The following PPFIA3 variants were observed in gnomAD, a reference collection of about 807,000 sequenced individuals.
PPFIA3 encodes liprin-alpha-3.
PPFIA3 carries 26 observed loss-of-function variants against 145.8 expected under a neutral mutation model. The observed-to-expected ratio is 0.18, with a 90% confidence interval of 0.13 to 0.25. The LOEUF is 0.25. PPFIA3 is among the 10% of genes least tolerant of loss of function. PPFIA3 has a pLI of 1.00. For synonymous variants in PPFIA3, 645 were observed against 661.4 expected (o/e 0.98, Z 0.38); for missense variants, 1,008 against 1,587.8 (o/e 0.63, Z 6.21).
chr19:49,145,784 T>G, intron 21 of PPFIA3, 159 bp from the exon 22 acceptor site: 6 of 674,106 alleles, frequency 8.9e-6, no homozygotes. Flanking sequence ...ACATGGCAGG[T>G]GCCCTATAAT....
Position 49,130,684 on chromosome 19 carries a change from A to T in PPFIA3, c.879+85A>T. ...TCGCGCATTGCTCATGAATGGCGGA[A>T]CCTCGATTCAGTCCACAGGCTGGGT... On this transcript the variant is annotated intron_variant, in intron 7 of 29. Transcript: ENST00000334186. This position sits in a 1 kb window ranked among gnomAD's most constrained non-coding sequence, Gnocchi z 4.5. 2 of 1,178,688 alleles carry T rather than the reference A, an allele frequency of 1.7e-6. No homozygotes were observed. The highest frequency in any genetic ancestry group is 2.4e-6 in the Non-Finnish European group (2 of 846,062). The allele number at this position is 1,178,688 out of a possible 1,614,324, so 73.0% of individuals were successfully genotyped here. A position where few individuals can be genotyped will look rare whatever the true frequency, so the allele number is the denominator to read the frequency against.
At chr19:49,135,663 C>T in intron 13 of PPFIA3, 116 bp from the exon 14 acceptor site, 2 of 1,158,190 alleles carry the variant, frequency 1.7e-6, no homozygotes, top group Non-Finnish European at 2.4e-6. Context: ...AGCCACCAGG[C>T]CTGGCCCCTT....
At position 49,150,289 on chromosome 19, in the gene PPFIA3, G is replaced by A; in HGVS notation, c.*67G>A. The A allele has an allele frequency of 5.9e-6, 5 of 841,394 alleles. No homozygotes were observed. In the South Asian group the frequency reaches 8.8e-5, roughly 15 times the overall value. 52.1% of individuals were successfully genotyped at this position (841,394 alleles called of 1,614,324 possible). A position where few individuals can be genotyped will look rare whatever the true frequency, so the allele number is the denominator to read the frequency against. On this transcript the variant is annotated 3_prime_UTR_variant, in exon 30 of 30. Transcript: ENST00000334186. ...CCGAGGCTGGGCTGTTCCCTCTCCT[G>A]CCCGGACTGTGGCCTCGCCGGGGAG...
intron 22 of PPFIA3, 61 bp from the exon 23 acceptor site, chr19:49,146,105 G>A: frequency 6.2e-7 from 1 of 1,610,400 alleles, no homozygotes; most frequent in Non-Finnish European, 8.5e-7. Flanking sequence ...CGCTCCTTGC[G>A]TCCTCCTCTG....
Position 49,128,544 on chromosome 19 carries a change from T to A in PPFIA3, c.342+76T>A. On this transcript the variant is annotated intron_variant, in intron 3 of 29. Transcript: ENST00000334186. This position sits in a 1 kb window ranked among gnomAD's most constrained non-coding sequence, Gnocchi z 4.1. Reference sequence around the variant, plus strand: ...TGAAGTGGGGGGCGGGGCCTCTCAGTGTTGCAGCGTGACCTATTTTTTTCC... The same window carrying A: ...TGAAGTGGGGGGCGGGGCCTCTCAGAGTTGCAGCGTGACCTATTTTTTTCC... 1 of 1,334,786 alleles carries A rather than the reference T, an allele frequency of 7.5e-7. No individual in the cohort carries two copies. The highest frequency in any genetic ancestry group is 2.4e-5 in the East Asian group (1 of 41,894). 82.7% of individuals were successfully genotyped at this position (1,334,786 alleles called of 1,614,324 possible).
At chr19:49,121,943 A>G (rs2040941211) in intron 1 of PPFIA3, among the ~76,000 whole-genome samples, 1 of 151,264 alleles carries the variant, frequency 6.6e-6, no homozygotes, top group Admixed American at 6.6e-5. Context: ...GCCGGGCCAC[A>G]TTTCTTGTCG....
chr19:49,134,861 G>A lies in PPFIA3; in HGVS notation c.1466G>A (p.Arg489Gln), dbSNP rs1400390554. Residue 489 changes from arginine (R) to glutamine (Q), a missense_variant, in exon 13 of 30, where the codon CGG becomes CAG. Arg to Gln is a conservative substitution (Grantham distance 43). Transcript: ENST00000334186. ...GAGCAGCTCTTGGCCGAAATGGAGC[G>A]GATGCAGATGGAGATCGACCAGCTG... ...NKEQLLAEME[R>Q]MQMEIDQLRG... 1.1e-5 allele frequency: 17 copies of A among 1,595,142 alleles called. No individual in the cohort carries two copies. Among genetic ancestry groups the A allele is most frequent in the Non-Finnish European group, 1.5e-5 (17 of 1,168,904 alleles).
chr19:49,145,892 C>A, intron 21 of PPFIA3, 51 bp from the exon 22 acceptor site: 1 of 1,544,318 alleles, frequency 6.5e-7, no homozygotes, highest in South Asian at 1.1e-5. Flanking sequence ...TCCTTCCTCT[C>A]CCCCACGCGA....
chr19:49,146,316 CGCCAA>C (rs2041280178), intron 23 of PPFIA3, 124 bp downstream of exon 23: 1 of 1,272,930 alleles, frequency 7.9e-7, no homozygotes, highest in Non-Finnish European at 1.1e-6. Flanking sequence ...GGGGGCGCTG[CGCCAA>C]GCTTGGCTCT....
At chr19:49,135,752 C>T in intron 13 of PPFIA3, 27 bp from the exon 14 acceptor site, 1 of 1,590,362 alleles carries the variant, frequency 6.3e-7, no homozygotes, top group Non-Finnish European at 8.6e-7. Flanking sequence ...ACCCCTTGGT[C>T]TCTGACTGCT....
At chr19:49,131,871 G>T (rs879928284) in intron 7 of PPFIA3, among the ~76,000 whole-genome samples, 1 of 151,938 alleles carries the variant, frequency 6.6e-6, no homozygotes, top group Admixed American at 6.6e-5. Context: ...TTAGCCGGGC[G>T]TGATGTCGGG....
Position 49,146,394 on chromosome 19 carries a change from C to T in PPFIA3, c.2835+202C>T. 4.6e-6 allele frequency: 3 copies of T among 648,348 alleles called. No homozygotes were observed. In the South Asian group the frequency reaches 5.8e-5, roughly 13 times the overall value. The allele number at this position is 648,348 out of a possible 1,614,324, so 40.2% of individuals were successfully genotyped here. A position where few individuals can be genotyped will look rare whatever the true frequency, so the allele number is the denominator to read the frequency against. On this transcript the variant is annotated intron_variant, in intron 23 of 29. Transcript: ENST00000334186. ...AGGGGATGCGATGTGGAAGCCCAGA[C>T]TGTTGCATAGTCAGCCTTATGCATG...
chr19:49,130,742 T>C lies in PPFIA3; in HGVS notation c.879+143T>C, dbSNP rs1290908324. 4.8e-5 allele frequency: 35 copies of C among 722,290 alleles called. 1 individual carries two copies. The Admixed American group carries it at 9.3e-4, about 19-fold the overall frequency. 44.7% of individuals were successfully genotyped at this position (722,290 alleles called of 1,614,324 possible). A position where few individuals can be genotyped will look rare whatever the true frequency, so the allele number is the denominator to read the frequency against. ...CTTTGAGATTCAGTTTTCCCACCTG[T>C]GAAAGGAAATGTATGATTCTCATCA... On this transcript the variant is annotated intron_variant, in intron 7 of 29. Coordinates refer to ENST00000334186, the MANE Select transcript of PPFIA3 (RefSeq NM_003660.4). The surrounding 1 kb of genome is among the most constrained non-coding windows in gnomAD (Gnocchi z 4.5).
At chr19:49,148,836 G>C (rs939906037) in intron 25 of PPFIA3, 73 bp downstream of exon 25, 5 of 1,540,692 alleles carry the variant, frequency 3.2e-6, no homozygotes, top group Non-Finnish European at 4.5e-6. Flanking sequence ...AGAGGGGGTA[G>C]GGGGAGACCG....
chr19:49,129,273 C>T, intron 4 of PPFIA3, 107 bp from the exon 5 acceptor site: 1 of 1,203,626 alleles, frequency 8.3e-7, no homozygotes, highest in Non-Finnish European at 1.1e-6. Flanking sequence ...AGACAGGAGC[C>T]CCAACGCTGC....
intron 1 of PPFIA3, among the ~76,000 whole-genome samples, chr19:49,122,333 C>T (rs1475759991): frequency 6.6e-6 from 1 of 152,028 alleles, no homozygotes; most frequent in African/African-American, 2.4e-5. Context: ...TCACCTGCCT[C>T]GGCCTCCCAA....
intron 1 of PPFIA3, among the ~76,000 whole-genome samples, chr19:49,124,281 AC>A (rs1452320830): frequency 6.6e-6 from 1 of 150,752 alleles, no homozygotes; most frequent in Non-Finnish European, 1.5e-5. Context: ...CTGGTCTCAA[AC>A]CCCTGGGCTC....
intron 1 of PPFIA3, among the ~76,000 whole-genome samples, chr19:49,127,529 G>A (rs2041016718): frequency 6.6e-6 from 1 of 151,818 alleles, no homozygotes; most frequent in Non-Finnish European, 1.5e-5. Context: ...AGTCTGGGTC[G>A]TTCAGGCTGC....
Position 49,133,474 on chromosome 19 carries a change from G to T in PPFIA3, c.1161+103G>T. ...GGGTAGGAGCGAGGTCAGAACCCCG[G>T]ATTTGGGGGAAAGGGTGGGGCCTAG... On this transcript the variant is annotated intron_variant, in intron 9 of 29. Coordinates refer to ENST00000334186, the MANE Select transcript of PPFIA3 (RefSeq NM_003660.4). The surrounding 1 kb of genome is among the most constrained non-coding windows in gnomAD (Gnocchi z 7.2). 3 of 1,304,918 alleles carry T rather than the reference G, an allele frequency of 2.3e-6. No homozygotes were observed. Among genetic ancestry groups the T allele is most frequent in the Non-Finnish European group, 3.1e-6 (3 of 983,554 alleles). The allele number at this position is 1,304,918 out of a possible 1,614,324, so 80.8% of individuals were successfully genotyped here.
Sources: gnomAD v4.1 joint callset for allele counts (sites outside exome capture counted in the v4.1 genomes callset) on GRCh38, gnomAD v4.1.1 for gene constraint, Gnocchi (gnomAD v3.1) non-coding constraint, MANE v1.5 for transcripts, NCBI Gene and HGNC (gene_info 2026-07-23, HGNC 2026-07-21) for gene names.